Variants in MBNL2 observed in about 807,000 individuals in gnomAD.
The protein encoded by MBNL2 is muscleblind like splicing regulator 2, also known as muscleblind-like protein 2.
Under a neutral mutation model 41.9 loss-of-function variants are expected in MBNL2, and 17 were observed. The observed-to-expected ratio is 0.41, with a 90% CI of 0.28 to 0.61. The LOEUF (loss-of-function observed/expected upper bound fraction) is 0.61, where lower values mean the gene tolerates loss of function less well. Among genes scored for constraint, MBNL2 ranks in the 20% least tolerant of loss-of-function variants. The probability of loss-of-function intolerance (pLI) is 0.35; values close to 1 mark genes in which losing one functional copy is unlikely to be tolerated. For missense variants in MBNL2, 336 were observed against 505.6 expected, an observed-to-expected ratio of 0.66 and a Z score of 3.22; for synonymous variants, 195 against 182.9, an observed-to-expected ratio of 1.07 and a Z score of -0.53.
chr13:97,205,303 A>G, the MBNL2 span, among the ~76,000 whole-genome samples: 3 of 150,770 alleles, frequency 2.0e-5, no homozygotes, highest in Non-Finnish European at 4.4e-5. Flanking sequence ...AGGCACAAGA[A>G]TCACTTGAAC....
chr13:97,307,722 C>A lies in MBNL2; in HGVS notation c.175-26554C>A, dbSNP rs184458475. ...TTTTTAGACAAAAGGATATTCATGA[C>A]ATTTTTGCTGTTTAAAGATAAAATG... On this transcript the variant is annotated intron_variant, in intron 2 of 8. Coordinates refer to ENST00000679496, the MANE Select transcript of MBNL2 (RefSeq NM_001382683.1). 4.6e-5 allele frequency among the ~76,000 whole-genome samples: 7 copies of A among 152,280 alleles called. No homozygotes were observed. The East Asian group carries it at 1.2e-3, about 25-fold the overall frequency.
intron 2 of MBNL2, among the ~76,000 whole-genome samples, chr13:97,292,094 G>A (rs1277183575): frequency 4.8e-5 from 7 of 146,666 alleles, no homozygotes; most frequent in African/African-American, 1.8e-4. Context: ...CCAGCTACTC[G>A]TGAGGCTGAG....
chr13:97,222,963 G>A (rs1276969606), intron 1 of MBNL2, among the ~76,000 whole-genome samples: 2 of 152,114 alleles, frequency 1.3e-5, no homozygotes, highest in African/African-American at 4.8e-5. Flanking sequence ...TCGGTTGAAT[G>A]TTTGGCCAAA....
the MBNL2 span, among the ~76,000 whole-genome samples, chr13:97,206,473 T>G: frequency 2.0e-5 from 3 of 152,268 alleles, no homozygotes; most frequent in East Asian, 5.8e-4. Flanking sequence ...GTGAATCTTG[T>G]GAAGTGTGAG....
At chr13:97,273,038 T>C (rs949014766) in intron 1 of MBNL2, among the ~76,000 whole-genome samples, 10 of 152,256 alleles carry the variant, frequency 6.6e-5, no homozygotes, top group African/African-American at 2.2e-4. Flanking sequence ...GCATAGCTCC[T>C]GGAGAACTTT....
chr13:97,219,541 T>G (rs1050472065), upstream of MBNL2, among the ~76,000 whole-genome samples: 6 of 152,182 alleles, frequency 3.9e-5, no homozygotes, highest in African/African-American at 1.4e-4. Flanking sequence ...GTTCCTGGCT[T>G]GCAGAGAGCT....
chr13:97,221,925 CAT>C (rs1413724664), upstream of MBNL2, among the ~76,000 whole-genome samples: 2 of 152,176 alleles, frequency 1.3e-5, no homozygotes, highest in African/African-American at 4.8e-5. Flanking sequence ...CTTTAAAAAA[CAT>C]ATACATATGC....
intron 2 of MBNL2, among the ~76,000 whole-genome samples, chr13:97,312,750 C>G (rs933443479): frequency 1.3e-5 from 2 of 152,174 alleles, no homozygotes; most frequent in Admixed American, 1.3e-4. Context: ...TAAAATTCCT[C>G]TTTTGGCATT....
intron 2 of MBNL2, among the ~76,000 whole-genome samples, chr13:97,316,873 G>C (rs2059102746): frequency 6.6e-6 from 1 of 152,194 alleles, no homozygotes; most frequent in African/African-American, 2.4e-5. Flanking sequence ...TAGAAGCTAA[G>C]TTCTGTGTGG....
At chr13:97,301,152 A>G (rs886082335) in intron 2 of MBNL2, among the ~76,000 whole-genome samples, 3 of 152,212 alleles carry the variant, frequency 2.0e-5, no homozygotes, top group African/African-American at 7.2e-5. Context: ...GGCATATGTG[A>G]TATTTGTCTA....
At chr13:97,196,495 C>T in the MBNL2 span, among the ~76,000 whole-genome samples, 1 of 152,084 alleles carries the variant, frequency 6.6e-6, no homozygotes, top group African/African-American at 2.4e-5. Flanking sequence ...GGTATTAAGG[C>T]ACCCAGAGAT....
chr13:97,267,441 C>T (rs1464275383), intron 1 of MBNL2, among the ~76,000 whole-genome samples: 3 of 152,168 alleles, frequency 2.0e-5, no homozygotes, highest in Non-Finnish European at 4.4e-5. Flanking sequence ...TACTACAGAA[C>T]CTCGTTTCTT....
At chr13:97,179,312 T>A in the MBNL2 span, 1 of 152,234 alleles carries the variant, frequency 6.6e-6, no homozygotes, top group Admixed American at 6.5e-5. Context: ...TAAATCATCT[T>A]CTCTTTTGAC....
chr13:97,194,566 C>T, the MBNL2 span, among the ~76,000 whole-genome samples: 7,673 of 152,070 alleles, frequency 0.05, 260 homozygotes, highest in South Asian at 0.14. Context: ...AGGGTGAGAC[C>T]GACTGGGCTG....
At chr13:97,198,007 C>T in the MBNL2 span, among the ~76,000 whole-genome samples, 1 of 152,160 alleles carries the variant, frequency 6.6e-6, no homozygotes, top group African/African-American at 2.4e-5. Flanking sequence ...CTGAGCATCT[C>T]ATAGGCATCT....
At chr13:97,189,826 C>A in the MBNL2 span, among the ~76,000 whole-genome samples, 1 of 152,170 alleles carries the variant, frequency 6.6e-6, no homozygotes. Flanking sequence ...GGAATTTTAA[C>A]CAATTTTCAG....
intron 2 of MBNL2, among the ~76,000 whole-genome samples, chr13:97,297,429 C>A (rs184261772): frequency 7.4e-4 from 113 of 152,128 alleles, no homozygotes; most frequent in African/African-American, 2.6e-3. Context: ...GGCTTAACCC[C>A]AGTCCAGGGG....
At chr13:97,238,005 G>A (rs1443292544) in intron 1 of MBNL2, among the ~76,000 whole-genome samples, 13 of 152,094 alleles carry the variant, frequency 8.5e-5, no homozygotes, top group African/African-American at 1.9e-4. Flanking sequence ...AGTCAAAGCC[G>A]ACCTGGACAC....
chr13:97,171,799 T>G, the MBNL2 span, among the ~76,000 whole-genome samples: 1 of 152,140 alleles, frequency 6.6e-6, no homozygotes, highest in Non-Finnish European at 1.5e-5. Context: ...TTCCCATGTG[T>G]TATGGGAGAT....
Sources: allele counts gnomAD v4.1 joint callset (sites outside exome capture counted in the v4.1 genomes callset), GRCh38; gene constraint gnomAD v4.1.1; transcripts MANE v1.5; gene names NCBI Gene and HGNC (gene_info 2026-07-23, HGNC 2026-07-21).